The following SLX4 variants were observed in gnomAD, a reference collection of about 807,000 sequenced individuals.
SLX4 encodes structure-specific endonuclease subunit SLX4.
In SLX4, 112 loss-of-function variants were observed where a neutral mutation model predicts 146.2. The observed-to-expected ratio is 0.77, with a 90% CI of 0.66 to 0.90. The LOEUF is 0.90. SLX4 is among the 40% of genes least tolerant of loss of function. SLX4 has a pLI of 0.00. For synonymous variants in SLX4, 1,061 were observed against 997.7 expected, an observed-to-expected ratio of 1.06 and a Z score of -1.20; for missense variants, 2,563 against 2,392.7, an observed-to-expected ratio of 1.07 and a Z score of -1.49.
At chr16:3,603,283 T>G (rs186280708) in intron 3 of SLX4, among the ~76,000 whole-genome samples, 292 of 152,352 alleles carry the variant, frequency 1.9e-3, no homozygotes, top group Non-Finnish European at 3.2e-3. Context: ...CCTCAGGTGA[T>G]CTGCCCGCCT....
At position 3,589,704 on chromosome 16, in the gene SLX4, T is replaced by C. The variant is rs200008765; in HGVS notation, c.3934A>G (p.Arg1312Gly). 4.4e-5 allele frequency: 71 copies of C among 1,613,858 alleles called. No homozygotes were observed. The highest frequency in any genetic ancestry group is 5.8e-5 in the Non-Finnish European group (69 of 1,180,014). ...GTCTGGGGCGGTGGTGTCTGGGGCC[T>C]GATGACAGAAAACTTCTGTGCGACT... Reference protein sequence around the residue: ...NEVAQKFSVIRPQTPPPQTPS... With the variant: ...NEVAQKFSVIGPQTPPPQTPS... The change falls in exon 12 of 15, where the codon AGG (arginine) becomes GGG (glycine). Residue 1312 changes from arginine to glycine, a missense_variant. By Grantham distance (125) the Arg-to-Gly change is moderately radical. Transcript: ENST00000294008. The surrounding 1 kb of genome is among the most constrained non-coding windows in gnomAD (Gnocchi z 6.2).
chr16:3,601,360 C>T, intron 4 of SLX4, 169 bp from the exon 5 acceptor site: 1 of 679,200 alleles, frequency 1.5e-6, no homozygotes, highest in East Asian at 2.7e-5. Context: ...CTAGACACTA[C>T]ACTTAGGTAT....
At position 3,584,454 on chromosome 16, in the gene SLX4, G is replaced by T. The variant is rs530150557; in HGVS notation, c.4739+315C>A. Among the ~76,000 whole-genome samples the T allele has an allele frequency of 5.3e-5, 8 of 152,278 alleles. No individual in the cohort carries two copies. In the East Asian group the frequency reaches 1.4e-3, roughly 26 times the overall value. On this transcript the variant is annotated intron_variant, in intron 13 of 14. Transcript: ENST00000294008. ...AAAATCAGACCTCCTCACTCAGACT[G>T]CTCTGGCTAGGGGGCCATTTCCATC... is the stretch of plus-strand genomic sequence containing the variant.
At chr16:3,587,629 T>C (rs576150284) in intron 12 of SLX4, among the ~76,000 whole-genome samples, 48 of 152,306 alleles carry the variant, frequency 3.2e-4, no homozygotes, top group African/African-American at 1.1e-3. Context: ...AGATCTGCTG[T>C]GCAGCCTCCT....
rs1019586341 is a variant in SLX4 at position 3,609,126 on chromosome 16, G to A, written c.-162C>T. On this transcript the variant is annotated 5_prime_UTR_variant, in exon 2 of 15. Coordinates refer to ENST00000294008, the MANE Select transcript of SLX4 (RefSeq NM_032444.4). ...CTCTGTTAAAGTCCACAACTGGGCC[G>A]GGCGCGGTGGCTCACACTTGTAATC... 104 of 831,350 alleles carry A rather than the reference G, an allele frequency of 1.3e-4. No individual in the cohort carries two copies. The highest frequency in any genetic ancestry group is 1.3e-4 in the Non-Finnish European group (69 of 536,328). The allele number at this position is 831,350 out of a possible 1,614,324, so 51.5% of individuals were successfully genotyped here.
In SLX4 at chr16:3,597,718, C is replaced by A; in HGVS notation, c.1367-23G>T. ...TCTCTAGAGAGAAACAAAAGCGACACCATCAACGGTGGAGTCGGTCCACTC... is the reference window on the plus strand; with the variant it reads ...TCTCTAGAGAGAAACAAAAGCGACAACATCAACGGTGGAGTCGGTCCACTC... On this transcript the variant is annotated intron_variant, in intron 6 of 14. Coordinates refer to ENST00000294008, the MANE Select transcript of SLX4 (RefSeq NM_032444.4). This position sits in a 1 kb window ranked among gnomAD's most constrained non-coding sequence, Gnocchi z 4.4. 1 of 1,614,072 alleles carries A rather than the reference C, an allele frequency of 6.2e-7. No individual in the cohort carries two copies. Among genetic ancestry groups the A allele is most frequent in the Non-Finnish European group, 8.5e-7 (1 of 1,180,022 alleles).
intron 5 of SLX4, 134 bp downstream of exon 5, chr16:3,600,845 C>A: frequency 1.1e-6 from 1 of 899,902 alleles, no homozygotes; most frequent in Non-Finnish European, 1.8e-6. Context: ...ATCTGCCCAC[C>A]TTGGCCTCCC....
At position 3,589,488 on chromosome 16, in the gene SLX4, G is replaced by C; in HGVS notation, c.4150C>G (p.Leu1384Val). The change falls in exon 12 of 15, where the codon CTG becomes GTG. Residue 1384 changes from leucine (L) to valine (V), a missense_variant. Physicochemically the swap from Leu to Val is conservative, Grantham distance 32. Coordinates refer to ENST00000294008, the MANE Select transcript of SLX4 (RefSeq NM_032444.4). This position sits in a 1 kb window ranked among gnomAD's most constrained non-coding sequence, Gnocchi z 6.2. ...LKHSPPGPSFLNQTPAGEVVE... is the reference protein window; with the variant it reads ...LKHSPPGPSFVNQTPAGEVVE... ...ACTTCACCCGCTGGGGTCTGGTTCA[G>C]GAAGCTTGGCCCAGGCGGCGAGTGT... The C allele has an allele frequency of 6.2e-7, 1 of 1,610,432 alleles. No homozygotes were observed. Among genetic ancestry groups the C allele is most frequent in the Non-Finnish European group, 8.5e-7 (1 of 1,177,408 alleles).
chr16:3,595,697 A>G lies in SLX4; in HGVS notation c.1925-4T>C, dbSNP rs2040644472. 5 of 1,614,026 alleles carry G rather than the reference A, an allele frequency of 3.1e-6. No individual in the cohort carries two copies. Among genetic ancestry groups the G allele is most frequent in the Non-Finnish European group, 3.4e-6 (4 of 1,180,026 alleles). On this transcript the variant is annotated splice_region_variant and splice_polypyrimidine_tract_variant and intron_variant, in intron 8 of 14. Coordinates refer to ENST00000294008, the MANE Select transcript of SLX4 (RefSeq NM_032444.4). Reference sequence around the variant, plus strand: ...CCGCCGGGCACCACGTCCAACCCTGAGTGGAGGATTCACAGGTTAAAGGAA... The same window carrying G: ...CCGCCGGGCACCACGTCCAACCCTGGGTGGAGGATTCACAGGTTAAAGGAA...
Position 3,608,489 on chromosome 16 carries a change from T to G in SLX4, c.476A>C (p.Asn159Thr), listed in dbSNP as rs1313256909. The G allele has an allele frequency of 1.2e-6, 2 of 1,614,222 alleles. No homozygotes were observed. Among genetic ancestry groups the G allele is most frequent in the Non-Finnish European group, 1.7e-6 (2 of 1,180,042 alleles). Reference protein sequence around the residue: ...DPPVLRETAQNTQTGNQQEPS... With the variant: ...DPPVLRETAQTTQTGNQQEPS... ...TTCTTGCTGGTTACCCGTCTGGGTG[T>G]TTTGTGCTGTTTCCCGGAGCACAGG... is the stretch of plus-strand genomic sequence containing the variant. The change falls in exon 2 of 15, where the codon AAC becomes ACC. Residue 159 changes from asparagine (N) to threonine (T), a missense_variant. Coordinates refer to ENST00000294008, the MANE Select transcript of SLX4 (RefSeq NM_032444.4).
rs768214142 is a variant in SLX4, at chr16:3,608,526, C to T, written c.439G>A (p.Ala147Thr). The T allele has an allele frequency of 3.7e-6, 6 of 1,614,186 alleles. No individual in the cohort carries two copies. The highest frequency in any genetic ancestry group is 1.7e-5 in the Admixed American group (1 of 60,012). The change falls in exon 2 of 15, where the codon GCT becomes ACT. Residue 147 changes from alanine to threonine, a missense_variant. Physicochemically the swap from Ala to Thr is moderately conservative, Grantham distance 58. Coordinates refer to ENST00000294008, the MANE Select transcript of SLX4 (RefSeq NM_032444.4). The stretch of plus-strand genomic sequence containing the variant: ...TCCCGGAGCACAGGTGGATCTGGAG[C>T]AGAGGCAAGCACACCCCCCTCCCCA... ...VNGEGGVLAS[A>T]PDPPVLRETA...
At chr16:3,588,644 AC>A (rs1219031902) in intron 12 of SLX4, among the ~76,000 whole-genome samples, 1 of 152,200 alleles carries the variant, frequency 6.6e-6, no homozygotes, top group African/African-American at 2.4e-5. Flanking sequence ...CTGGAGAACC[AC>A]CCTGGTCCAA....
At chr16:3,610,464 A>C (rs555592115) in intron 1 of SLX4, among the ~76,000 whole-genome samples, 1 of 152,150 alleles carries the variant, frequency 6.6e-6, no homozygotes, top group African/African-American at 2.4e-5. Context: ...CACTGTTCCA[A>C]TTGCTTTCCA....
At position 3,582,421 on chromosome 16, in the gene SLX4, G is replaced by C. The variant is rs1294630122; in HGVS notation, c.5426C>G (p.Thr1809Ser). Residue 1809 changes from threonine to serine, a missense_variant, in exon 15 of 15, where the codon ACC (threonine) becomes AGC (serine). Thr to Ser is a moderately conservative substitution (Grantham distance 58, BLOSUM62 1). Transcript: ENST00000294008. ...DFLDTHCITF[T>S]TAATRREKLQ... ...CTTCTCCCTGCGGGTGGCGGCAGTGGTGAAGGTGATACAGTGGGTGTCCAG... is the reference window on the plus strand; with the variant it reads ...CTTCTCCCTGCGGGTGGCGGCAGTGCTGAAGGTGATACAGTGGGTGTCCAG... The C allele has an allele frequency of 6.2e-7, 1 of 1,613,806 alleles. No homozygotes were observed. Among genetic ancestry groups the C allele is most frequent in the Non-Finnish European group, 8.5e-7 (1 of 1,180,050 alleles).
intron 3 of SLX4, among the ~76,000 whole-genome samples, chr16:3,605,380 C>G (rs901305177): frequency 6.6e-6 from 1 of 151,932 alleles, no homozygotes; most frequent in East Asian, 2.0e-4. Context: ...TGAGCCACCA[C>G]GCCTGGCCCC....
intron 4 of SLX4, 22 bp downstream of exon 4, chr16:3,602,096 C>T (rs746417750): frequency 1.1e-5 from 18 of 1,613,740 alleles, no homozygotes; most frequent in Middle Eastern, 3.3e-4. Context: ...ACGGGAGAGG[C>T]GACGGCCCAA....
Position 3,602,401 on chromosome 16 carries a change from G to A in SLX4, c.761-94C>T. 8 of 1,479,296 alleles carry A rather than the reference G, an allele frequency of 5.4e-6. No individual in the cohort carries two copies. The South Asian group carries it at 6.8e-5, about 13-fold the overall frequency. 91.6% of individuals were successfully genotyped at this position (1,479,296 alleles called of 1,614,324 possible). The stretch of plus-strand genomic sequence containing the variant: ...TGTCAGCTCCTGCAGACCATGGGGA[G>A]CAGGTGGAACGCAAAGAAACCAGAA... On this transcript the variant is annotated intron_variant, in intron 3 of 14. Transcript: ENST00000294008.
intron 4 of SLX4, chr16:3,601,559 A>G (rs982489675): frequency 1.7e-5 from 6 of 357,738 alleles, no homozygotes; most frequent in African/African-American, 6.3e-5. Context: ...ATGTCCGCCA[A>G]TGGACGAAAG....
At chr16:3,595,763 T>C in intron 8 of SLX4, 70 bp from the exon 9 acceptor site, 9 of 1,567,236 alleles carry the variant, frequency 5.7e-6, no homozygotes, top group Non-Finnish European at 7.9e-6. Flanking sequence ...AAGACAGCGT[T>C]GACCACAGGC....
Sources: allele counts gnomAD v4.1 joint callset (sites outside exome capture counted in the v4.1 genomes callset), GRCh38; gene constraint gnomAD v4.1.1; non-coding constraint Gnocchi (gnomAD v3.1); transcripts MANE v1.5; gene names NCBI Gene and HGNC (gene_info 2026-07-23, HGNC 2026-07-21).